ZNF366: variants seen among roughly 807,000 people sequenced by gnomAD.
ZNF366 encodes dendritic cell-specific transcript protein.
ZNF366 carries 20 observed loss-of-function variants against 47.2 expected under a neutral mutation model. The observed-to-expected ratio is 0.42, with a 90% CI of 0.30 to 0.62. The LOEUF (loss-of-function observed/expected upper bound fraction) is 0.62, where lower values mean the gene tolerates loss of function less well. Among genes scored for constraint, ZNF366 ranks in the 20% least tolerant of loss-of-function variants. The pLI is 0.16. For synonymous variants in ZNF366, 421 were observed against 395.1 expected (o/e 1.07, Z -0.78); for missense variants, 987 against 976.3 (o/e 1.01, Z -0.15).
intron 1 of ZNF366, chr5:72,494,137 A>C (rs979657700): frequency 6.6e-6 from 1 of 152,120 alleles, no homozygotes; most frequent in Non-Finnish European, 1.5e-5. Flanking sequence ...AACATATACC[A>C]TAACATATGA....
intron 2 of ZNF366, among the ~76,000 whole-genome samples, chr5:72,458,820 T>C (rs576322071): frequency 1.3e-5 from 2 of 152,368 alleles, no homozygotes; most frequent in South Asian, 4.1e-4. Flanking sequence ...CATTAAAGTG[T>C]ATTTTGTTTT....
intron 1 of ZNF366, among the ~76,000 whole-genome samples, chr5:72,475,093 C>T (rs1743646825): frequency 6.6e-6 from 1 of 152,172 alleles, no homozygotes; most frequent in South Asian, 2.1e-4. Flanking sequence ...CTCAATGTTG[C>T]TTACTGAGAA....
At chr5:72,455,370 T>C (rs1743157044) in intron 3 of ZNF366, among the ~76,000 whole-genome samples, 1 of 152,102 alleles carries the variant, frequency 6.6e-6, no homozygotes, top group Admixed American at 6.5e-5. Context: ...TTCAGGAATA[T>C]AGATCAGCAG....
At chr5:72,488,414 G>A (rs1240293434) in intron 1 of ZNF366, among the ~76,000 whole-genome samples, 1 of 152,064 alleles carries the variant, frequency 6.6e-6, no homozygotes, top group Non-Finnish European at 1.5e-5. Flanking sequence ...CCTTTCCCTG[G>A]ATTATGAACA....
rs140051056 is a variant in ZNF366 at position 72,473,846 on chromosome 5, A to T, written c.-14-12336T>A. Among the ~76,000 whole-genome samples the T allele has an allele frequency of 2.0e-3, 308 of 152,260 alleles. 2 individuals carry two copies. The highest frequency in any genetic ancestry group is 7.1e-3 in the African/African-American group (297 of 41,550). On this transcript the variant is annotated intron_variant, in intron 1 of 4. Transcript: ENST00000318442. Reference sequence around the variant, plus strand: ...CCTAGGATTCATACTCTCTTCTGTCATTGCACCTTGCACTGTACTGGTCAC... The same window carrying T: ...CCTAGGATTCATACTCTCTTCTGTCTTTGCACCTTGCACTGTACTGGTCAC...
chr5:72,456,920 C>T (rs181734644), intron 2 of ZNF366, among the ~76,000 whole-genome samples: 53 of 152,098 alleles, frequency 3.5e-4, no homozygotes, highest in Admixed American at 8.5e-4. Flanking sequence ...TTAGTAAGAG[C>T]ACTATGGGCT....
At chr5:72,488,166 C>T (rs1743929690) in intron 1 of ZNF366, among the ~76,000 whole-genome samples, 1 of 151,738 alleles carries the variant, frequency 6.6e-6, no homozygotes, top group African/African-American at 2.4e-5. Flanking sequence ...CAAGATTGCA[C>T]CATTGCACTC....
In ZNF366 at chr5:72,461,145, G is replaced by A; in HGVS notation, c.352C>T (p.Gln118Ter). 6.2e-7 allele frequency: 1 copy of A among 1,614,204 alleles called. No individual in the cohort carries two copies. Among genetic ancestry groups the A allele is most frequent in the Non-Finnish European group, 8.5e-7 (1 of 1,180,030 alleles). ...GLPNLPLLFP[Q>*]PPRPKYDSQM... ...GAGTCATACTTGGGGCGCGGGGGCT[G>A]CGGGAACAGCAAAGGGAGGTTGGGA... Residue 118 changes from glutamine to a stop codon, truncating the protein, a stop_gained, in exon 2 of 5, where the codon CAG becomes TAG. Transcript: ENST00000318442. LOFTEE classifies it high-confidence loss of function.
intron 1 of ZNF366, among the ~76,000 whole-genome samples, chr5:72,500,532 A>G (rs894162802): frequency 6.6e-6 from 1 of 152,184 alleles, no homozygotes; most frequent in African/African-American, 2.4e-5. Context: ...ATCCCATGAT[A>G]TGGAGTTAAC....
intron 1 of ZNF366, among the ~76,000 whole-genome samples, chr5:72,503,275 T>C (rs1744250807): frequency 6.6e-6 from 1 of 152,230 alleles, no homozygotes; most frequent in Admixed American, 6.5e-5. Context: ...TAATAGCTTC[T>C]AAAATAACAT....
intron 1 of ZNF366, among the ~76,000 whole-genome samples, chr5:72,491,625 T>C (rs1275608470): frequency 6.6e-6 from 1 of 152,132 alleles, no homozygotes; most frequent in Non-Finnish European, 1.5e-5. Flanking sequence ...TTTCATAAAA[T>C]AATAAATTAA....
intron 4 of ZNF366, among the ~76,000 whole-genome samples, chr5:72,444,531 CA>C (rs2112313093): frequency 6.6e-6 from 1 of 152,194 alleles, no homozygotes; most frequent in East Asian, 1.9e-4. Context: ...TTTGACTTAG[CA>C]ATTATGCTAC....
At chr5:72,478,077 AG>A (rs1743711526) in intron 1 of ZNF366, among the ~76,000 whole-genome samples, 1 of 152,144 alleles carries the variant, frequency 6.6e-6, no homozygotes, top group African/African-American at 2.4e-5. Context: ...TGGTGGGAAA[AG>A]ACATTTCAGT....
intron 1 of ZNF366, among the ~76,000 whole-genome samples, chr5:72,464,350 T>C (rs2112331649): frequency 6.6e-6 from 1 of 152,360 alleles, no homozygotes; most frequent in South Asian, 2.1e-4. Flanking sequence ...AAACGGAAGT[T>C]ATTTCAGTCT....
chr5:72,447,370 C>T lies in ZNF366; in HGVS notation c.1572G>A (p.Met524Ile), dbSNP rs766003589. 6.2e-7 allele frequency: 1 copy of T among 1,614,178 alleles called. No individual in the cohort carries two copies. The highest frequency in any genetic ancestry group is 2.2e-5 in the East Asian group (1 of 44,882). The change falls in exon 4 of 5, where the codon ATG (methionine) becomes ATA (isoleucine). Residue 524 changes from methionine to isoleucine, a missense_variant. This residue lies in a region of ZNF366 where 111 missense variants were observed against 180.5 expected (regional missense o/e 0.61). Transcript: ENST00000318442. ...FNRMHNLMGH[M>I]HLHSDSKPFK... ...AGGGTTTGCTGTCTGAGTGCAGGTG[C>T]ATGTGGCCCATCAGGTTGTGCATCC...
intron 2 of ZNF366, among the ~76,000 whole-genome samples, chr5:72,459,044 G>A (rs541899457): frequency 2.0e-5 from 3 of 152,276 alleles, no homozygotes; most frequent in South Asian, 4.2e-4. Context: ...CTTGGCAGGC[G>A]ACTCCCCTCT....
rs147020651 is a variant in ZNF366 at position 72,497,965 on chromosome 5, G to A, written c.-15+9286C>T. On this transcript the variant is annotated intron_variant, in intron 1 of 4. Coordinates refer to ENST00000318442, the MANE Select transcript of ZNF366 (RefSeq NM_152625.3). ...TTTCTGTTTATACTAAGCTCTTTGT[G>A]ATACATGTTGCAAATGCTTCCTCCA... Among the ~76,000 whole-genome samples, 564 of 152,092 alleles carry A rather than the reference G, an allele frequency of 3.7e-3. 4 individuals carry two copies. Among genetic ancestry groups the A allele is most frequent in the African/African-American group, 0.012 (482 of 41,484 alleles).
rs548021735 is a variant in ZNF366, at chr5:72,449,504, T to C, written c.1525-2087A>G. 6.6e-4 allele frequency among the ~76,000 whole-genome samples: 100 copies of C among 152,358 alleles called. 1 individual carries two copies. Among genetic ancestry groups the C allele is most frequent in the African/African-American group, 2.3e-3 (96 of 41,602 alleles). ...CATCCGCCTCAGCCTCCCAAAGTGCTGGGATTACAGGGGTAAGCCACCATG... is the reference window on the plus strand; with the variant it reads ...CATCCGCCTCAGCCTCCCAAAGTGCCGGGATTACAGGGGTAAGCCACCATG... On this transcript the variant is annotated intron_variant, in intron 3 of 4. Transcript: ENST00000318442.
intron 1 of ZNF366, among the ~76,000 whole-genome samples, chr5:72,480,392 T>C (rs1694446248): frequency 6.6e-6 from 1 of 152,186 alleles, no homozygotes; most frequent in Non-Finnish European, 1.5e-5. Context: ...TTCTGTTCCT[T>C]GGAACTTTTC....
Sources: allele counts gnomAD v4.1 joint callset (sites outside exome capture counted in the v4.1 genomes callset), GRCh38; gene constraint gnomAD v4.1.1; regional missense constraint gnomAD v4.1.1; transcripts MANE v1.5; gene names NCBI Gene and HGNC (gene_info 2026-07-23, HGNC 2026-07-21).